The following NXPH1 variants were observed in gnomAD, a reference collection of about 807,000 sequenced individuals.
The protein encoded by NXPH1 is neurexophilin 1, also known as neurexophilin-1.
In NXPH1, 5 loss-of-function variants were observed where a neutral mutation model predicts 23.7. That is an observed-to-expected ratio of 0.21 (90% CI 0.11 to 0.44). The LOEUF (loss-of-function observed/expected upper bound fraction) is 0.44. NXPH1 is among the 20% of genes least tolerant of loss of function. The pLI is 0.99. For synonymous variants in NXPH1, 144 were observed against 122.2 expected (o/e 1.18, Z -1.18); for missense variants, 324 against 321.6 (o/e 1.01, Z -0.06).
At position 8,497,444 on chromosome 7, in the gene NXPH1, T is replaced by A. The variant is rs147969610; in HGVS notation, c.54+61677T>A. On this transcript the variant is annotated intron_variant, in intron 2 of 2. Transcript: ENST00000405863. The stretch of plus-strand genomic sequence containing the variant: ...TCCTTGAGGAATTGCCACACTGTCT[T>A]CCACAATGGTTGAACTAGTTTACAG... 8.9e-3 allele frequency among the ~76,000 whole-genome samples: 1,350 copies of A among 152,290 alleles called. 21 individuals carry two copies. Among genetic ancestry groups the A allele is most frequent in the African/African-American group, 0.031 (1,275 of 41,568 alleles).
intron 2 of NXPH1, among the ~76,000 whole-genome samples, chr7:8,526,109 C>T (rs985789886): frequency 9.2e-5 from 14 of 152,174 alleles, no homozygotes; most frequent in African/African-American, 3.4e-4. Context: ...GCCATGGGGG[C>T]AGAGCTGCCC....
chr7:8,508,214 G>A (rs1044226350), intron 2 of NXPH1, among the ~76,000 whole-genome samples: 2 of 152,032 alleles, frequency 1.3e-5, no homozygotes, highest in Admixed American at 6.6e-5. Flanking sequence ...ATCATAATTA[G>A]ATGAATACCT....
intron 2 of NXPH1, among the ~76,000 whole-genome samples, chr7:8,587,977 G>A (rs755240397): frequency 6.6e-6 from 1 of 152,038 alleles, no homozygotes; most frequent in Non-Finnish European, 1.5e-5. Flanking sequence ...CATCGATGTG[G>A]CCAACAAATG....
At chr7:8,536,621 G>A (rs1818030591) in intron 2 of NXPH1, among the ~76,000 whole-genome samples, 1 of 151,678 alleles carries the variant, frequency 6.6e-6, no homozygotes, top group Admixed American at 6.6e-5. Context: ...AAAAAAGGAA[G>A]TGACGTCATT....
intron 2 of NXPH1, among the ~76,000 whole-genome samples, chr7:8,583,193 C>T (rs1818915423): frequency 6.6e-6 from 1 of 152,232 alleles, no homozygotes; most frequent in Non-Finnish European, 1.5e-5. Context: ...TCTAAATTGT[C>T]TGCCAATCTG....
intron 2 of NXPH1, among the ~76,000 whole-genome samples, chr7:8,549,163 C>T (rs915127599): frequency 3.3e-5 from 5 of 151,472 alleles, no homozygotes; most frequent in African/African-American, 7.3e-5. Flanking sequence ...GCCTAATGAA[C>T]CAAGAACCCA....
intron 2 of NXPH1, among the ~76,000 whole-genome samples, chr7:8,527,499 GCA>G (rs1030286978): frequency 2.0e-5 from 3 of 151,960 alleles, no homozygotes; most frequent in African/African-American, 7.3e-5. Flanking sequence ...TATGGCTTTG[GCA>G]AACCCATAGA....
At chr7:8,466,479 T>A (rs1404646028) in intron 2 of NXPH1, among the ~76,000 whole-genome samples, 1 of 152,206 alleles carries the variant, frequency 6.6e-6, no homozygotes, top group Non-Finnish European at 1.5e-5. Context: ...CAGAAAAATG[T>A]AGACATTTTT....
At chr7:8,530,583 G>A (rs1817935348) in intron 2 of NXPH1, among the ~76,000 whole-genome samples, 2 of 152,210 alleles carry the variant, frequency 1.3e-5, no homozygotes, top group Non-Finnish European at 1.5e-5. Context: ...GAGGAGATGA[G>A]CAAGAAAGAC....
Position 8,487,683 on chromosome 7 carries a change from A to G in NXPH1, c.54+51916A>G, listed in dbSNP as rs1482083944. 3.3e-5 allele frequency among the ~76,000 whole-genome samples: 5 copies of G among 152,176 alleles called. No individual in the cohort carries two copies. In the East Asian group the frequency reaches 9.7e-4, roughly 29 times the overall value. ...AAATATAAATCTTTTTACTTCATTC[A>G]CTAGCTTGCTCTGAAACAAGTGACT... On this transcript the variant is annotated intron_variant, in intron 2 of 2. Coordinates refer to ENST00000405863, the MANE Select transcript of NXPH1 (RefSeq NM_152745.3).
At chr7:8,683,215 C>CT (rs1474992740) in intron 2 of NXPH1, among the ~76,000 whole-genome samples, 6 of 152,182 alleles carry the variant, frequency 3.9e-5, no homozygotes, top group Admixed American at 3.9e-4. Flanking sequence ...AAACAACTGT[C>CT]TTTTGCATAA....
intron 2 of NXPH1, among the ~76,000 whole-genome samples, chr7:8,518,048 T>C (rs1274225015): frequency 6.6e-6 from 1 of 152,206 alleles, no homozygotes; most frequent in Non-Finnish European, 1.5e-5. Context: ...AGTAGCTATA[T>C]TTGTGAAACT....
intron 2 of NXPH1, among the ~76,000 whole-genome samples, chr7:8,700,449 T>G (rs1470454454): frequency 1.3e-5 from 2 of 152,274 alleles, no homozygotes; most frequent in Admixed American, 6.5e-5. Context: ...CTATCATCTT[T>G]CATTACTTTT....
At chr7:8,482,064 G>A in intron 2 of NXPH1, among the ~76,000 whole-genome samples, 1 of 152,214 alleles carries the variant, frequency 6.6e-6, no homozygotes, top group East Asian at 1.9e-4. Flanking sequence ...GTCAATGTAG[G>A]CAAGTCCGTA....
intron 2 of NXPH1, among the ~76,000 whole-genome samples, chr7:8,461,296 T>C (rs1816690079): frequency 6.6e-6 from 1 of 152,184 alleles, no homozygotes; most frequent in Non-Finnish European, 1.5e-5. Context: ...AGGTTGTATT[T>C]TTTTTCCTTT....
At chr7:8,642,181 C>T (rs746758757) in intron 2 of NXPH1, among the ~76,000 whole-genome samples, 10 of 152,160 alleles carry the variant, frequency 6.6e-5, no homozygotes, top group Non-Finnish European at 1.5e-4. Context: ...TTTACGGGTA[C>T]TTTGCAGGAC....
At chr7:8,648,563 T>A (rs1230743133) in intron 2 of NXPH1, among the ~76,000 whole-genome samples, 1 of 152,244 alleles carries the variant, frequency 6.6e-6, no homozygotes, top group Non-Finnish European at 1.5e-5. Context: ...TTCATTCATC[T>A]GTTGATGGAC....
chr7:8,731,510 T>C (rs1780153284), intron 2 of NXPH1, among the ~76,000 whole-genome samples: 1 of 152,300 alleles, frequency 6.6e-6, no homozygotes, highest in East Asian at 1.9e-4. Context: ...GACGTACAGA[T>C]GGGTTTTTGG....
chr7:8,737,913 C>T (rs1258232662), intron 2 of NXPH1, among the ~76,000 whole-genome samples: 1 of 152,186 alleles, frequency 6.6e-6, no homozygotes. Context: ...CTTTCTTCCA[C>T]TCGGTAGATT....
Sources: gnomAD v4.1 joint callset for allele counts (sites outside exome capture counted in the v4.1 genomes callset) on GRCh38, gnomAD v4.1.1 for gene constraint, MANE v1.5 for transcripts, NCBI Gene and HGNC (gene_info 2026-07-23, HGNC 2026-07-21) for gene names.